GPC3: variants seen among roughly 807,000 people sequenced by gnomAD.
The protein encoded by GPC3 is glypican 3.
In GPC3, 3 loss-of-function variants were observed where a neutral mutation model predicts 34.4. The ratio of observed to expected loss-of-function variants is 0.09; its 90% CI spans 0.04 to 0.23. GPC3 has a LOEUF of 0.23. GPC3 is among the 10% of genes least tolerant of loss of function. The pLI is 1.00. For synonymous variants in GPC3, 177 were observed against 174.0 expected, an observed-to-expected ratio of 1.02 and a Z score of -0.13; for missense variants, 351 against 445.6, an observed-to-expected ratio of 0.79 and a Z score of 1.91.
chrX:133,598,744 T>C (rs2069949056), intron 6 of GPC3, among the ~76,000 whole-genome samples: 1 of 111,967 alleles, frequency 8.9e-6, no homozygotes, highest in Admixed American at 9.5e-5. Context: ...TTTACATCCA[T>C]TGGTATGTTT....
intron 6 of GPC3, among the ~76,000 whole-genome samples, chrX:133,625,970 T>C (rs1013610980): frequency 3.6e-5 from 4 of 111,671 alleles, no homozygotes; most frequent in African/African-American, 9.8e-5. Context: ...AACAGAGATA[T>C]AGACCAATGG....
At chrX:133,745,850 C>T (rs891925392) in intron 3 of GPC3, among the ~76,000 whole-genome samples, 2 of 112,519 alleles carry the variant, frequency 1.8e-5, no homozygotes, top group African/African-American at 3.2e-5. Flanking sequence ...TAGGAACAGA[C>T]GAACTGACTA....
chrX:133,788,595 G>A (rs2072130595), intron 2 of GPC3, among the ~76,000 whole-genome samples: 1 of 109,496 alleles, frequency 9.1e-6, no homozygotes, highest in African/African-American at 3.3e-5. Flanking sequence ...AGAATACAGT[G>A]ATGGTTGCCA....
intron 2 of GPC3, among the ~76,000 whole-genome samples, chrX:133,898,614 T>G (rs1309976844): frequency 8.9e-6 from 1 of 112,094 alleles, no homozygotes; most frequent in Non-Finnish European, 1.9e-5. Flanking sequence ...GCACTCACTT[T>G]AATGTGGGAG....
intron 7 of GPC3, among the ~76,000 whole-genome samples, chrX:133,546,540 A>T: frequency 8.9e-6 from 1 of 111,947 alleles, no homozygotes; most frequent in Middle Eastern, 4.2e-3. Context: ...AGTGATTGCC[A>T]GTGGCTGGGG....
chrX:133,581,156 G>A (rs1201358495), intron 7 of GPC3, among the ~76,000 whole-genome samples: 1 of 112,500 alleles, frequency 8.9e-6, no homozygotes, highest in African/African-American at 3.2e-5. Flanking sequence ...TGGGACTGAT[G>A]AGATTTCCAT....
chrX:133,741,367 T>A (rs1025726102), intron 3 of GPC3, among the ~76,000 whole-genome samples: 10 of 110,686 alleles, frequency 9.0e-5, no homozygotes, highest in African/African-American at 3.3e-4. Flanking sequence ...GCTAAGCCCA[T>A]TGGAAGTTTC....
intron 2 of GPC3, among the ~76,000 whole-genome samples, chrX:133,921,133 A>G (rs754447259): frequency 8.9e-6 from 1 of 112,529 alleles, no homozygotes; most frequent in Non-Finnish European, 1.9e-5. Flanking sequence ...ATGAAAATAT[A>G]GAGAAAATAC....
intron 3 of GPC3, among the ~76,000 whole-genome samples, chrX:133,702,964 G>A (rs756652825): frequency 9.3e-4 from 104 of 112,270 alleles, no homozygotes; most frequent in African/African-American, 3.2e-3. Flanking sequence ...TGAATATTAT[G>A]AGCTTATTTT....
At chrX:133,627,195 A>G (rs1414413517) in intron 6 of GPC3, among the ~76,000 whole-genome samples, 2 of 100,145 alleles carry the variant, frequency 2.0e-5, no homozygotes, top group Non-Finnish European at 4.1e-5. Flanking sequence ...GGATAGCATT[A>G]GGAGATATAC....
chrX:133,985,313 T>G lies in GPC3; in HGVS notation c.137A>C (p.Gln46Pro). Residue 46 changes from glutamine to proline, a missense_variant, in exon 1 of 8, where the codon CAG becomes CCG. Physicochemically the swap from Gln to Pro is moderately conservative, Grantham distance 76 (BLOSUM62 -1). Transcript: ENST00000370818. ...TTCTGGCACCCACTTGAGTCCGGGC[T>G]GCAGTCTCTGGAAGAAGGAGCGGAC... is the stretch of plus-strand genomic sequence containing the variant. ...HQVRSFFQRL[Q>P]PGLKWVPETP... 2.5e-6 allele frequency: 3 copies of G among 1,210,632 alleles called. No individual in the cohort carries two copies. Among genetic ancestry groups the G allele is most frequent in the Non-Finnish European group, 3.4e-6 (3 of 894,952 alleles).
chrX:133,602,768 C>T (rs1438709434), intron 6 of GPC3, among the ~76,000 whole-genome samples: 1 of 111,469 alleles, frequency 9.0e-6, no homozygotes, highest in East Asian at 2.8e-4. Flanking sequence ...ATTGTATACA[C>T]GTATTGAACT....
At chrX:133,544,973 C>T (rs762611156) in intron 7 of GPC3, among the ~76,000 whole-genome samples, 3 of 111,794 alleles carry the variant, frequency 2.7e-5, no homozygotes, top group Non-Finnish European at 5.6e-5. Context: ...CCACCTTCCC[C>T]AGCAGTGTCA....
chrX:133,888,926 C>T lies in GPC3; in HGVS notation c.337+64124G>A, dbSNP rs189202676. Among the ~76,000 whole-genome samples, 25 of 112,245 alleles carry T rather than the reference C, an allele frequency of 2.2e-4. No homozygotes were observed. The Admixed American group carries it at 2.3e-3, about 10-fold the overall frequency. On this transcript the variant is annotated intron_variant, in intron 2 of 7. Transcript: ENST00000370818. ...TGACTGTCTGGATGGCTTGATATGA[C>T]AAGCCAGTGAAAGCAATGAACTGAA...
chrX:133,710,307 A>C (rs2071255193), intron 3 of GPC3, among the ~76,000 whole-genome samples: 1 of 111,832 alleles, frequency 8.9e-6, no homozygotes, highest in African/African-American at 3.2e-5. Context: ...TCCTCTTACC[A>C]TTTCAATAAC....
At chrX:133,945,536 T>C (rs149030964) in intron 2 of GPC3, among the ~76,000 whole-genome samples, 4,046 of 110,982 alleles carry the variant, frequency 0.036, 67 homozygotes, top group East Asian at 0.1. Flanking sequence ...CAGGAACCTC[T>C]ACCCTCTGGT....
intron 2 of GPC3, among the ~76,000 whole-genome samples, chrX:133,818,855 T>A (rs1259803929): frequency 1.8e-5 from 2 of 110,289 alleles, no homozygotes; most frequent in Non-Finnish European, 3.8e-5. Flanking sequence ...TTTCTGAAAC[T>A]GCTGTGCCAT....
chrX:133,810,160 C>A (rs1420796321), intron 2 of GPC3, among the ~76,000 whole-genome samples: 1 of 112,193 alleles, frequency 8.9e-6, no homozygotes. Context: ...AGTTCATTAT[C>A]GAAGGAGAAA....
chrX:133,638,493 A>T (rs2070450371), intron 6 of GPC3, among the ~76,000 whole-genome samples: 1 of 111,488 alleles, frequency 9.0e-6, no homozygotes, highest in South Asian at 3.8e-4. Context: ...TTGGCCTCAA[A>T]AATGACAAGT....
Sources: allele counts gnomAD v4.1 joint callset (sites outside exome capture counted in the v4.1 genomes callset), GRCh38; gene constraint gnomAD v4.1.1; transcripts MANE v1.5; gene names NCBI Gene and HGNC (gene_info 2026-07-23, HGNC 2026-07-21).